LIMD1: variants seen among roughly 807,000 people sequenced by gnomAD.
LIMD1 encodes LIM domain-containing protein 1.
A neutral mutation model predicts 58.4 loss-of-function variants in LIMD1; 23 were observed. The ratio of observed to expected loss-of-function variants is 0.39; its 90% CI spans 0.28 to 0.56. The LOEUF (loss-of-function observed/expected upper bound fraction) is 0.56. LIMD1 is among the 20% of genes least tolerant of loss of function. The pLI is 0.57. For missense variants in LIMD1, 838 were observed against 855.5 expected (o/e 0.98, Z 0.25); for synonymous variants, 334 against 345.5 (o/e 0.97, Z 0.37).
chr3:45,610,832 G>A (rs1701516196), intron 1 of LIMD1, among the ~76,000 whole-genome samples: 1 of 152,202 alleles, frequency 6.6e-6, no homozygotes, highest in South Asian at 2.1e-4. Context: ...ACTGAGATGT[G>A]CTTTTGAAGC....
At chr3:45,627,844 C>T (rs1373201179) in intron 1 of LIMD1, among the ~76,000 whole-genome samples, 1 of 151,504 alleles carries the variant, frequency 6.6e-6, no homozygotes, top group African/African-American at 2.4e-5. Context: ...ACCATCTCTA[C>T]TGAAAATACA....
chr3:45,671,176 G>C (rs994628798), intron 4 of LIMD1, among the ~76,000 whole-genome samples: 5 of 152,230 alleles, frequency 3.3e-5, no homozygotes, highest in Admixed American at 1.3e-4. Context: ...GGCCCTCAAA[G>C]GTTAGGGAAA....
chr3:45,643,516 G>C (rs960639291), intron 2 of LIMD1, among the ~76,000 whole-genome samples: 2 of 151,918 alleles, frequency 1.3e-5, no homozygotes, highest in Non-Finnish European at 2.9e-5. Flanking sequence ...CTGTGAGGGA[G>C]AAGTAGGCAA....
At chr3:45,616,285 C>T (rs1181807890) in intron 1 of LIMD1, among the ~76,000 whole-genome samples, 1 of 152,190 alleles carries the variant, frequency 6.6e-6, no homozygotes, top group Non-Finnish European at 1.5e-5. Flanking sequence ...ATCTTCCTGA[C>T]AAACCTCTGT....
chr3:45,669,915 C>T (rs1697567728), intron 4 of LIMD1, among the ~76,000 whole-genome samples: 1 of 152,186 alleles, frequency 6.6e-6, no homozygotes, highest in Non-Finnish European at 1.5e-5. Context: ...ACACTCATTT[C>T]TGCTGGTTAT....
intron 4 of LIMD1, among the ~76,000 whole-genome samples, chr3:45,668,737 A>C (rs997270186): frequency 1.5e-5 from 2 of 137,252 alleles, no homozygotes; most frequent in African/African-American, 5.7e-5. Context: ...TGGGCAACAG[A>C]GTGAGACTCC....
At chr3:45,647,621 C>T (rs1181091645) in intron 2 of LIMD1, among the ~76,000 whole-genome samples, 1 of 152,210 alleles carries the variant, frequency 6.6e-6, no homozygotes, top group African/African-American at 2.4e-5. Flanking sequence ...GGCAGAGCGT[C>T]TCTGTCTCTT....
chr3:45,658,609 G>A (rs1697380546), intron 2 of LIMD1, among the ~76,000 whole-genome samples: 1 of 127,238 alleles, frequency 7.9e-6, no homozygotes, highest in South Asian at 2.7e-4. Context: ...AGGCTGGAGT[G>A]CAATGGTGTG....
chr3:45,614,768 G>GTT (rs34868046), intron 1 of LIMD1, among the ~76,000 whole-genome samples: 46,655 of 137,222 alleles, frequency 0.34, 8,695 homozygotes, highest in East Asian at 0.57. Flanking sequence ...ATTCCTGGGT[G>GTT]TTTTTTTTTT....
chr3:45,602,138 T>C (rs560976921), intron 1 of LIMD1, among the ~76,000 whole-genome samples: 18 of 152,144 alleles, frequency 1.2e-4, no homozygotes, highest in South Asian at 6.2e-4. Flanking sequence ...TTAGTAGAGA[T>C]GGGGTTTCAC....
intron 1 of LIMD1, among the ~76,000 whole-genome samples, chr3:45,618,654 G>A (rs746939499): frequency 6.6e-6 from 1 of 152,206 alleles, no homozygotes; most frequent in Admixed American, 6.5e-5. Flanking sequence ...AGGAGCAGAG[G>A]TAAGAGCTTA....
intron 5 of LIMD1, 86 bp downstream of exon 5, chr3:45,672,906 T>A: frequency 6.6e-7 from 1 of 1,517,374 alleles, no homozygotes; most frequent in Non-Finnish European, 9.1e-7. Flanking sequence ...GACAAAACTG[T>A]GTTTGCCAGC....
At chr3:45,637,211 T>C (rs557160394) in intron 2 of LIMD1, among the ~76,000 whole-genome samples, 1 of 152,160 alleles carries the variant, frequency 6.6e-6, no homozygotes, top group African/African-American at 2.4e-5. Flanking sequence ...GGAACCTCAA[T>C]CTGATTCTGC....
At chr3:45,606,258 G>T (rs1701467043) in intron 1 of LIMD1, among the ~76,000 whole-genome samples, 1 of 152,168 alleles carries the variant, frequency 6.6e-6, no homozygotes, top group South Asian at 2.1e-4. Context: ...TGCTGAGTCT[G>T]GCTGCTGAGT....
chr3:45,638,156 G>A (rs1442326977), intron 2 of LIMD1, among the ~76,000 whole-genome samples: 1 of 125,928 alleles, frequency 7.9e-6, no homozygotes, highest in Non-Finnish European at 1.6e-5. Context: ...ATGGCCTATG[G>A]TTCTTTGAAT....
At chr3:45,662,829 CA>C (rs1371765716) in intron 2 of LIMD1, among the ~76,000 whole-genome samples, 1 of 151,980 alleles carries the variant, frequency 6.6e-6, no homozygotes, top group Non-Finnish European at 1.5e-5. Flanking sequence ...ACTAAAAATA[CA>C]AAAATTAGCC....
intron 2 of LIMD1, among the ~76,000 whole-genome samples, chr3:45,653,907 C>CAAAAAAAAA (rs35185922): frequency 1.3e-5 from 1 of 74,854 alleles, no homozygotes; most frequent in African/African-American, 4.9e-5. Flanking sequence ...AAGACTGTCT[C>CAAAAAAAAA]AAAAAAAAAA....
chr3:45,662,320 G>T (rs1167459443), intron 2 of LIMD1, among the ~76,000 whole-genome samples: 1 of 151,416 alleles, frequency 6.6e-6, no homozygotes, highest in East Asian at 1.9e-4. Flanking sequence ...AAACCTACTG[G>T]AAGGTACTAT....
chr3:45,626,802 A>AT (rs1422527839), intron 1 of LIMD1, among the ~76,000 whole-genome samples: 1 of 151,424 alleles, frequency 6.6e-6, no homozygotes, highest in Non-Finnish European at 1.5e-5. Flanking sequence ...GGGGCTGTTG[A>AT]TAGGGAGGGG....
Sources: allele counts gnomAD v4.1 joint callset (sites outside exome capture counted in the v4.1 genomes callset), GRCh38; gene constraint gnomAD v4.1.1; transcripts MANE v1.5; gene names NCBI Gene and HGNC (gene_info 2026-07-23, HGNC 2026-07-21).